Variants in ARHGAP35 observed in about 807,000 individuals in gnomAD.
The protein encoded by ARHGAP35 is Rho GTPase activating protein 35, also known as rho GTPase-activating protein 35.
In ARHGAP35, 15 loss-of-function variants were observed where a neutral mutation model predicts 111.1. The ratio of observed to expected loss-of-function variants is 0.13; its 90% CI spans 0.09 to 0.21. The LOEUF is 0.21. ARHGAP35 is among the 10% of genes least tolerant of loss of function. The pLI, the probability that ARHGAP35 is intolerant of heterozygous loss-of-function variation, is 1.00. For missense variants in ARHGAP35, 1,262 were observed against 1,873.0 expected, an observed-to-expected ratio of 0.67 and a Z score of 6.02; for synonymous variants, 643 against 710.3, an observed-to-expected ratio of 0.91 and a Z score of 1.51.
rs986523004 is a variant in ARHGAP35 at position 47,001,000 on chromosome 19, G to A, written c.*312G>A. On this transcript the variant is annotated 3_prime_UTR_variant, in exon 7 of 7. Coordinates refer to ENST00000672722, the MANE Select transcript of ARHGAP35 (RefSeq NM_004491.5). This position sits in a 1 kb window ranked among gnomAD's most constrained non-coding sequence, Gnocchi z 6.9. The stretch of plus-strand genomic sequence containing the variant: ...CGTAGCTGCTCACACCAGCCTCCGG[G>A]TGCCTCCCTCTGCTTGTACAGAGCC... The A allele has an allele frequency of 6.8e-7, 1 of 1,477,710 alleles. No individual in the cohort carries two copies. Among genetic ancestry groups the A allele is most frequent in the African/African-American group, 1.4e-5 (1 of 71,818 alleles). The allele number at this position is 1,477,710 out of a possible 1,614,324, so 91.5% of individuals were successfully genotyped here.
chr19:46,958,384 C>G (rs1474993055), intron 3 of ARHGAP35, among the ~76,000 whole-genome samples: 2 of 75,606 alleles, frequency 2.6e-5, no homozygotes, highest in African/African-American at 5.1e-5. Flanking sequence ...GACTCCGTCT[C>G]AAAAAAAAAA....
At chr19:46,893,428 C>T (rs537427388) in intron 1 of ARHGAP35, among the ~76,000 whole-genome samples, 35 of 152,154 alleles carry the variant, frequency 2.3e-4, no homozygotes, top group South Asian at 4.2e-4. Context: ...CCAGACAAGA[C>T]CCCTTCTTTT....
At chr19:46,899,329 T>C (rs16980761) in intron 1 of ARHGAP35, among the ~76,000 whole-genome samples, 1,550 of 152,252 alleles carry the variant, frequency 0.01, 12 homozygotes, top group Non-Finnish European at 0.018. Flanking sequence ...TTTTGAAGGA[T>C]AGCTAGAAAT....
At chr19:46,863,338 G>A (rs536265804) in intron 1 of ARHGAP35, among the ~76,000 whole-genome samples, 3 of 152,280 alleles carry the variant, frequency 2.0e-5, no homozygotes, top group African/African-American at 7.2e-5. Flanking sequence ...AATAGGTGGG[G>A]GTTGGTTGAT....
intron 3 of ARHGAP35, among the ~76,000 whole-genome samples, chr19:46,957,784 G>T (rs567047408): frequency 6.6e-6 from 1 of 152,206 alleles, no homozygotes; most frequent in African/African-American, 2.4e-5. Context: ...TGTGCTTCTC[G>T]CATTCGTGCA....
chr19:46,983,401 C>G (rs187201715), intron 3 of ARHGAP35, among the ~76,000 whole-genome samples: 1 of 152,128 alleles, frequency 6.6e-6, no homozygotes, highest in Non-Finnish European at 1.5e-5. Flanking sequence ...GTGCCTCATA[C>G]AGAGTAAGCA....
intron 1 of ARHGAP35, among the ~76,000 whole-genome samples, chr19:46,894,997 T>C (rs1044189946): frequency 2.6e-5 from 4 of 152,192 alleles, no homozygotes; most frequent in Non-Finnish European, 5.9e-5. Flanking sequence ...TGAATACTGC[T>C]AGTTGGTAGG....
At chr19:46,998,101 CA>C (rs797001984) in intron 5 of ARHGAP35, among the ~76,000 whole-genome samples, 47 of 135,122 alleles carry the variant, frequency 3.5e-4, no homozygotes, top group South Asian at 7.1e-4. Flanking sequence ...GACTCCGTCT[CA>C]AAAAAAAAAA....
rs531278927 is a variant in ARHGAP35 at position 46,894,287 on chromosome 19, G to A, written c.-188-24201G>A. On this transcript the variant is annotated intron_variant, in intron 1 of 6. Coordinates refer to ENST00000672722, the MANE Select transcript of ARHGAP35 (RefSeq NM_004491.5). The stretch of plus-strand genomic sequence containing the variant: ...TGATGAAGTGAGATTCTTACCTTGA[G>A]GTTAGTTTTTGAGAGTGGATCAATG... Among the ~76,000 whole-genome samples the A allele has an allele frequency of 5.9e-5, 9 of 152,120 alleles. No homozygotes were observed. The South Asian group carries it at 1.9e-3, about 32-fold the overall frequency.
At position 47,000,669 on chromosome 19, in the gene ARHGAP35, A is replaced by C. The variant is rs1168892307; in HGVS notation, c.4481A>C (p.Gln1494Pro). The change falls in exon 7 of 7, where the codon CAA becomes CCA. Residue 1494 changes from glutamine to proline, a missense_variant. Physicochemically the swap from Gln to Pro is moderately conservative, Grantham distance 76 (BLOSUM62 -1). Transcript: ENST00000672722. This position sits in a 1 kb window ranked among gnomAD's most constrained non-coding sequence, Gnocchi z 6.9. ...CAGCCACTGCTTCCCTCCCAGCTTC[A>C]AGCCGAACACACGCTGTGAGCCACC... ...PMQPLLPSQL[Q>P]AEHTL The C allele has an allele frequency of 2.5e-6, 4 of 1,589,842 alleles. No homozygotes were observed. The South Asian group carries it at 4.6e-5, about 18-fold the overall frequency.
chr19:46,885,526 C>T (rs2055989229), intron 1 of ARHGAP35, among the ~76,000 whole-genome samples: 1 of 152,078 alleles, frequency 6.6e-6, no homozygotes, highest in South Asian at 2.1e-4. Context: ...CTGCCCACCT[C>T]CCTCCTCTCT....
chr19:46,880,160 G>A (rs991108076), intron 1 of ARHGAP35, among the ~76,000 whole-genome samples: 6 of 151,968 alleles, frequency 3.9e-5, no homozygotes, highest in East Asian at 1.9e-4. Context: ...CTGGCTGGGC[G>A]TGTGGCTCAC....
At chr19:46,871,116 A>G (rs2055885237) in intron 1 of ARHGAP35, among the ~76,000 whole-genome samples, 1 of 152,236 alleles carries the variant, frequency 6.6e-6, no homozygotes, top group Admixed American at 6.5e-5. Flanking sequence ...AAAGAATGGG[A>G]TAACGGTGAT....
At chr19:46,947,603 G>A (rs1047587477) in intron 3 of ARHGAP35, 7 of 152,258 alleles carry the variant, frequency 4.6e-5, no homozygotes, top group South Asian at 2.1e-4. Flanking sequence ...GTGACCAAAT[G>A]TGTGGGGTGC....
Position 46,989,779 on chromosome 19 carries a change from G to A in ARHGAP35, c.4036+104G>A. ...ATGGATGCTGGCTGTTAGAGCTGAG[G>A]TTTGAAGGACAGAGGGCAAGGGAAT... On this transcript the variant is annotated intron_variant, in intron 5 of 6. Coordinates refer to ENST00000672722, the MANE Select transcript of ARHGAP35 (RefSeq NM_004491.5). The surrounding 1 kb of genome is among the most constrained non-coding windows in gnomAD (Gnocchi z 5.3). The A allele has an allele frequency of 6.4e-7, 1 of 1,556,374 alleles. No individual in the cohort carries two copies. The highest frequency in any genetic ancestry group is 2.3e-5 in the East Asian group (1 of 43,774).
At chr19:46,981,035 G>A (rs372819525) in intron 3 of ARHGAP35, among the ~76,000 whole-genome samples, 3 of 152,252 alleles carry the variant, frequency 2.0e-5, no homozygotes, top group Non-Finnish European at 2.9e-5. Flanking sequence ...GGGGAGTGCC[G>A]CAGTGTGGTC....
chr19:46,884,657 G>T (rs184068858), intron 1 of ARHGAP35, among the ~76,000 whole-genome samples: 14 of 151,754 alleles, frequency 9.2e-5, no homozygotes, highest in African/African-American at 3.4e-4. Context: ...CCACCATGTT[G>T]TATTTTTTTT....
chr19:46,934,265 TA>T (rs908954916), intron 2 of ARHGAP35, among the ~76,000 whole-genome samples: 2 of 151,370 alleles, frequency 1.3e-5, no homozygotes, highest in African/African-American at 2.4e-5. Context: ...AACTTTAAAT[TA>T]AAAAAAAATA....
In ARHGAP35 at chr19:46,920,218, G is replaced by A; in HGVS notation, c.1543G>A (p.Glu515Lys). The change falls in exon 2 of 7, where the codon GAG becomes AAG. Residue 515 changes from glutamate to lysine, a missense_variant. By Grantham distance (56) the Glu-to-Lys change is moderately conservative. Coordinates refer to ENST00000672722, the MANE Select transcript of ARHGAP35 (RefSeq NM_004491.5). This position sits in a 1 kb window ranked among gnomAD's most constrained non-coding sequence, Gnocchi z 7.0. The stretch of plus-strand genomic sequence containing the variant: ...GGAGCTGGATGCTAAGCCCAGCAAG[G>A]AGAAGATGGGTGTTATTCAGGATGT... Reference protein sequence around the residue: ...ELELDAKPSKEKMGVIQDVLG... With the variant: ...ELELDAKPSKKKMGVIQDVLG... The A allele has an allele frequency of 6.2e-7, 1 of 1,613,946 alleles. No individual in the cohort carries two copies. The highest frequency in any genetic ancestry group is 8.5e-7 in the Non-Finnish European group (1 of 1,179,860).
Sources: allele counts gnomAD v4.1 joint callset (sites outside exome capture counted in the v4.1 genomes callset), GRCh38; gene constraint gnomAD v4.1.1; non-coding constraint Gnocchi (gnomAD v3.1); transcripts MANE v1.5; gene names NCBI Gene and HGNC (gene_info 2026-07-23, HGNC 2026-07-21).